GRIK1: variants seen among roughly 807,000 people sequenced by gnomAD.
The protein encoded by GRIK1 is glutamate ionotropic receptor kainate type subunit 1, also known as glutamate receptor ionotropic, kainate 1.
In GRIK1, 69 loss-of-function variants were observed where a neutral mutation model predicts 105.7. The ratio of observed to expected loss-of-function variants is 0.65; its 90% CI spans 0.54 to 0.80. GRIK1 has a LOEUF of 0.80. Ranked by LOEUF, GRIK1 falls within the 30% of genes least tolerant of loss-of-function variation. GRIK1 has a pLI of 0.00. For missense variants in GRIK1, 1,109 were observed against 1,167.3 expected (o/e 0.95, Z 0.73); for synonymous variants, 438 against 431.3 (o/e 1.02, Z -0.19).
chr21:29,560,970 C>A (rs2090466179), intron 15 of GRIK1, among the ~76,000 whole-genome samples: 1 of 152,088 alleles, frequency 6.6e-6, no homozygotes, highest in African/African-American at 2.4e-5. Flanking sequence ...TCACTAATTA[C>A]CCCTTAAATT....
intron 1 of GRIK1, among the ~76,000 whole-genome samples, chr21:29,907,576 T>C (rs1308351426): frequency 6.6e-6 from 1 of 152,138 alleles, no homozygotes; most frequent in African/African-American, 2.4e-5. Flanking sequence ...AGCTAACGCA[T>C]TTTAATCAAT....
intron 4 of GRIK1, among the ~76,000 whole-genome samples, chr21:29,656,898 A>C (rs1222560979): frequency 6.6e-6 from 1 of 152,238 alleles, no homozygotes; most frequent in Non-Finnish European, 1.5e-5. Context: ...AAATGACAGG[A>C]AACTCCATGA....
At chr21:29,864,289 A>G (rs1400867876) in intron 1 of GRIK1, among the ~76,000 whole-genome samples, 6 of 152,142 alleles carry the variant, frequency 3.9e-5, no homozygotes, top group Non-Finnish European at 8.8e-5. Context: ...GGCCACAAAA[A>G]GTCTGATGTT....
At chr21:29,905,958 TTTG>T (rs1176154157) in intron 1 of GRIK1, among the ~76,000 whole-genome samples, 2,870 of 151,774 alleles carry the variant, frequency 0.019, 106 homozygotes, top group African/African-American at 0.066. Context: ...TGTTTGTTTG[TTTG>T]TTTTAAATAT....
rs886511314 is a variant in GRIK1, at chr21:29,939,249, A to G, written c.118+134T>C. The G allele has an allele frequency of 6.6e-6, 4 of 608,140 alleles. 1 individual carries two copies. The highest frequency in any genetic ancestry group is 5.7e-5 in the South Asian group (3 of 52,964). 37.7% of individuals were successfully genotyped at this position (608,140 alleles called of 1,614,324 possible). A position where few individuals can be genotyped will look rare whatever the true frequency, so the allele number is the denominator to read the frequency against. ...CTCCCCCTTTTTTGTGTAGCCTCCC[A>G]TGAGCACTGACCTCCACCTTCCCCA... On this transcript the variant is annotated intron_variant, in intron 1 of 17. Transcript: ENST00000327783.
chr21:29,560,174 T>C (rs1172262424), intron 15 of GRIK1, among the ~76,000 whole-genome samples: 2 of 152,186 alleles, frequency 1.3e-5, no homozygotes, highest in Non-Finnish European at 2.9e-5. Flanking sequence ...CCCAGTAGTC[T>C]AGACAGTCCC....
chr21:29,888,873 A>T (rs1341529007), intron 1 of GRIK1, among the ~76,000 whole-genome samples: 1 of 152,134 alleles, frequency 6.6e-6, no homozygotes, highest in East Asian at 1.9e-4. Context: ...CTTTTGAAGA[A>T]CAGGTGGTTG....
intron 1 of GRIK1, among the ~76,000 whole-genome samples, chr21:29,767,814 G>GTGTGTGTGTGTGTGTGTT (rs2065709450): frequency 6.7e-6 from 1 of 148,352 alleles, no homozygotes; most frequent in Admixed American, 6.7e-5. Context: ...TTGTATGTAT[G>GTGTGTGTGTGTGTGTGTT]TGTGTGTGTG....
intron 7 of GRIK1, among the ~76,000 whole-genome samples, chr21:29,600,403 GT>G (rs1156372795): frequency 6.6e-6 from 1 of 152,134 alleles, no homozygotes; most frequent in Admixed American, 6.5e-5. Context: ...ATAAAAAGCG[GT>G]GGCCCTTGGG....
chr21:29,667,503 G>A (rs1158185894), intron 4 of GRIK1, among the ~76,000 whole-genome samples: 4 of 152,172 alleles, frequency 2.6e-5, no homozygotes, highest in South Asian at 2.1e-4. Flanking sequence ...ATGTTGACAG[G>A]AGAAAATGCA....
intron 16 of GRIK1, among the ~76,000 whole-genome samples, chr21:29,538,340 C>T (rs978194726): frequency 3.3e-5 from 5 of 152,044 alleles, no homozygotes; most frequent in Non-Finnish European, 7.4e-5. Flanking sequence ...CAGCATGATT[C>T]CACTTATATG....
Position 29,673,162 on chromosome 21 carries a change from G to T in GRIK1, c.547C>A (p.Leu183Ile), listed in dbSNP as rs144855573. 1.2e-6 allele frequency: 2 copies of T among 1,601,574 alleles called. No homozygotes were observed. The highest frequency in any genetic ancestry group is 1.3e-5 in the African/African-American group (1 of 74,556). Residue 183 changes from leucine to isoleucine, a missense_variant and splice_region_variant, in exon 4 of 18, where the codon CTA becomes ATA. Coordinates refer to ENST00000327783, the MANE Select transcript of GRIK1 (RefSeq NM_001330994.2). ...VTVVYEDSTG[L>I]IRLQELIKAP... ...TTGATGAGCTCTTGTAGACGAATTAGACCTAGAAAATGACATGCAATCATG... is the reference window on the plus strand; with the variant it reads ...TTGATGAGCTCTTGTAGACGAATTATACCTAGAAAATGACATGCAATCATG...
intron 1 of GRIK1, among the ~76,000 whole-genome samples, chr21:29,824,712 G>C (rs1322221378): frequency 7.8e-6 from 1 of 128,366 alleles, no homozygotes; most frequent in Non-Finnish European, 1.5e-5. Flanking sequence ...GAATTCAGAG[G>C]ACGAGAATCG....
rs2089905190 is a variant in GRIK1 at position 29,537,827 on chromosome 21, TC to T, written c.2664del (p.Arg889GlufsTer8). 1.3e-6 allele frequency: 2 copies of T among 1,529,764 alleles called. No homozygotes were observed. The highest frequency in any genetic ancestry group is 1.8e-6 in the Non-Finnish European group (2 of 1,104,796). The allele number at this position is 1,529,764 out of a possible 1,614,324, so 94.8% of individuals were successfully genotyped here. A position where few individuals can be genotyped will look rare whatever the true frequency, so the allele number is the denominator to read the frequency against. On this transcript the variant is annotated frameshift_variant, in exon 17 of 18. Transcript: ENST00000327783. LOFTEE classifies it high-confidence loss of function. ...FYFRNKVRFH[G>X]RKKQSLGVEK... is the part of the protein sequence containing the mutation. ...TCTACACCAAGGCTTTGTTTTTTTC[TC>T]CCATGAAACCTTACTTTGTTCCTAA...
intron 6 of GRIK1, among the ~76,000 whole-genome samples, chr21:29,646,920 A>T (rs1162142388): frequency 1.3e-5 from 2 of 151,292 alleles, no homozygotes; most frequent in Non-Finnish European, 2.9e-5. Context: ...ATCTTGGCTC[A>T]CTGCAACCTC....
intron 1 of GRIK1, among the ~76,000 whole-genome samples, chr21:29,851,228 T>G (rs1490296411): frequency 6.6e-6 from 1 of 152,078 alleles, no homozygotes; most frequent in Non-Finnish European, 1.5e-5. Context: ...CTAACTTTTG[T>G]ATTTTTGGTA....
chr21:29,678,286 G>A (rs1399496125), intron 3 of GRIK1, among the ~76,000 whole-genome samples: 2 of 152,180 alleles, frequency 1.3e-5, no homozygotes, highest in Non-Finnish European at 1.5e-5. Context: ...GGGTATGTGA[G>A]CGAATTACCT....
intron 9 of GRIK1, chr21:29,596,224 G>C: frequency 2.1e-6 from 1 of 478,360 alleles, no homozygotes; most frequent in South Asian, 2.0e-5. Context: ...GTCTCCTTCT[G>C]TTACAGTTGC....
intron 3 of GRIK1, among the ~76,000 whole-genome samples, chr21:29,674,370 A>G (rs985983558): frequency 1.5e-4 from 23 of 151,860 alleles, no homozygotes; most frequent in African/African-American, 5.1e-4. Context: ...CTGATGTACA[A>G]TAAATTTATA....
Sources: allele counts gnomAD v4.1 joint callset (sites outside exome capture counted in the v4.1 genomes callset), GRCh38; gene constraint gnomAD v4.1.1; transcripts MANE v1.5; gene names NCBI Gene and HGNC (gene_info 2026-07-23, HGNC 2026-07-21).